The following CDH8 variants were observed in gnomAD, a reference collection of about 807,000 sequenced individuals.
CDH8 encodes the protein cadherin-8.
A neutral mutation model predicts 68.1 loss-of-function variants in CDH8; 17 were observed. The ratio of observed to expected loss-of-function variants is 0.25; its 90% CI spans 0.17 to 0.37. CDH8 has a LOEUF of 0.37. Ranked by LOEUF, CDH8 falls within the 10% of genes least tolerant of loss-of-function variation. The pLI, the probability that CDH8 is intolerant of heterozygous loss-of-function variation, is 1.00. For synonymous variants in CDH8, 372 were observed against 365.1 expected, an observed-to-expected ratio of 1.02 and a Z score of -0.21; for missense variants, 763 against 999.3, an observed-to-expected ratio of 0.76 and a Z score of 3.19.
chr16:61,817,958 T>A (rs1237749622), intron 6 of CDH8: 1 of 424,162 alleles, frequency 2.4e-6, no homozygotes, highest in African/African-American at 2.0e-5. Flanking sequence ...TGTTTTGTTT[T>A]GCTCATTTCA....
chr16:61,995,455 G>C (rs957370318), intron 2 of CDH8, among the ~76,000 whole-genome samples: 2 of 152,046 alleles, frequency 1.3e-5, no homozygotes, highest in Non-Finnish European at 2.9e-5. Flanking sequence ...TCGGCTCACT[G>C]CAACCTCAGC....
intron 7 of CDH8, among the ~76,000 whole-genome samples, chr16:61,816,972 A>T (rs548847833): frequency 1.3e-5 from 2 of 152,238 alleles, no homozygotes; most frequent in East Asian, 3.9e-4. Context: ...TAAAAAGATC[A>T]TTTCAAAGCC....
Position 61,758,821 on chromosome 16 carries a change from A to G in CDH8, c.1414+30525T>C, listed in dbSNP as rs544637882. On this transcript the variant is annotated intron_variant, in intron 8 of 11. Transcript: ENST00000577390. ...TGGGGCTATATGATCTTTTGTTGTT[A>G]ATATCTCAGAAAGATCTGAGGTTTT... Among the ~76,000 whole-genome samples, 5 of 152,288 alleles carry G rather than the reference A, an allele frequency of 3.3e-5. No individual in the cohort carries two copies. In the East Asian group the frequency reaches 9.6e-4, roughly 29 times the overall value.
At chr16:61,917,916 C>G (rs1964270148) in intron 2 of CDH8, among the ~76,000 whole-genome samples, 2 of 146,476 alleles carry the variant, frequency 1.4e-5, no homozygotes, top group African/African-American at 5.2e-5. Flanking sequence ...TCCATAGACC[C>G]CTGGCGATCT....
intron 10 of CDH8, among the ~76,000 whole-genome samples, chr16:61,705,614 G>A (rs1337441118): frequency 6.6e-6 from 1 of 152,154 alleles, no homozygotes; most frequent in Admixed American, 6.5e-5. Context: ...AGAATTAGCT[G>A]TCCATGATTA....
chr16:61,768,380 C>CTCTCCCTT lies in CDH8; in HGVS notation c.1414+20965_1414+20966insAAGGGAGA, dbSNP rs1596949706. 9.5e-5 allele frequency among the ~76,000 whole-genome samples: 10 copies of CTCTCCCTT among 105,448 alleles called. 4 individuals carry two copies. The East Asian group carries it at 2.5e-3, about 26-fold the overall frequency. 69.2% of individuals were successfully genotyped at this position (105,448 alleles called of 152,430 possible). On this transcript the variant is annotated intron_variant, in intron 8 of 11. Transcript: ENST00000577390. ...TCTCTCTCTCTCTCCCTTTCTCTCT[C>CTCTCCCTT]TCTCTCTCTCTCTCCCTTTCTCTCT...
chr16:61,676,237 T>C (rs1197628116), intron 10 of CDH8, among the ~76,000 whole-genome samples: 7 of 149,040 alleles, frequency 4.7e-5, no homozygotes, highest in Non-Finnish European at 8.9e-5. Flanking sequence ...AAAATATATA[T>C]AAATATACAA....
At chr16:61,842,972 G>A (rs1962720262) in intron 4 of CDH8, among the ~76,000 whole-genome samples, 1 of 152,136 alleles carries the variant, frequency 6.6e-6, no homozygotes, top group Non-Finnish European at 1.5e-5. Flanking sequence ...CTTTGTCAAA[G>A]TAACAACCAT....
chr16:61,941,913 C>T (rs1964731056), intron 2 of CDH8, among the ~76,000 whole-genome samples: 1 of 152,124 alleles, frequency 6.6e-6, no homozygotes, highest in African/African-American at 2.4e-5. Context: ...TTATCTCATC[C>T]TTTGATCTCT....
chr16:61,664,185 C>T (rs1205114784), intron 10 of CDH8, among the ~76,000 whole-genome samples: 1 of 151,792 alleles, frequency 6.6e-6, no homozygotes, highest in Admixed American at 6.6e-5. Flanking sequence ...TTCTTTATAT[C>T]GATGCTCAAA....
intron 2 of CDH8, among the ~76,000 whole-genome samples, chr16:61,984,196 G>T (rs1399653934): frequency 6.6e-6 from 1 of 152,070 alleles, no homozygotes; most frequent in Non-Finnish European, 1.5e-5. Context: ...GGGATTACAG[G>T]CGTTAGCCAC....
At chr16:61,896,176 A>G (rs1422482924) in intron 3 of CDH8, among the ~76,000 whole-genome samples, 1 of 152,220 alleles carries the variant, frequency 6.6e-6, no homozygotes, top group Non-Finnish European at 1.5e-5. Context: ...TGGGATCCAC[A>G]GTTAAAATCA....
chr16:61,714,094 G>A (rs1964678685), intron 9 of CDH8, 136 bp from the exon 10 acceptor site: 3 of 693,356 alleles, frequency 4.3e-6, no homozygotes, highest in East Asian at 5.1e-5. Context: ...AATTGTCATG[G>A]ATGGTTTGTG....
At chr16:61,783,027 C>T (rs374282006) in intron 8 of CDH8, among the ~76,000 whole-genome samples, 6 of 148,332 alleles carry the variant, frequency 4.0e-5, no homozygotes, top group African/African-American at 7.5e-5. Context: ...AAACGCAGAG[C>T]GCCTCTCCTC....
At position 61,794,474 on chromosome 16, in the gene CDH8, G is replaced by A. The variant is rs530410687; in HGVS notation, c.1278-4992C>T. Among the ~76,000 whole-genome samples the A allele has an allele frequency of 3.9e-5, 6 of 152,088 alleles. No homozygotes were observed. In the East Asian group the frequency reaches 1.2e-3, roughly 29 times the overall value. The stretch of plus-strand genomic sequence containing the variant: ...TTAAGGGTCTGACACCAAAACAAAA[G>A]CTCTGTAAACATGTATTTTAACAGC... On this transcript the variant is annotated intron_variant, in intron 7 of 11. Transcript: ENST00000577390.
chr16:61,958,224 G>T (rs956081839), intron 2 of CDH8, among the ~76,000 whole-genome samples: 9 of 152,278 alleles, frequency 5.9e-5, no homozygotes, highest in African/African-American at 2.2e-4. Flanking sequence ...GATAGCCTAG[G>T]TGGACCATCT....
intron 2 of CDH8, among the ~76,000 whole-genome samples, chr16:61,961,260 A>C (rs1052105502): frequency 3.3e-5 from 5 of 151,986 alleles, no homozygotes; most frequent in African/African-American, 1.2e-4. Context: ...GGTTGCAGTG[A>C]GCTGATATCG....
At chr16:61,730,272 G>T (rs1281954774) in intron 8 of CDH8, among the ~76,000 whole-genome samples, 1 of 151,408 alleles carries the variant, frequency 6.6e-6, no homozygotes, top group African/African-American at 2.4e-5. Flanking sequence ...TGTCATATAT[G>T]GGACAAAGTG....
chr16:61,976,599 C>A (rs1488191446), intron 2 of CDH8, among the ~76,000 whole-genome samples: 1 of 152,112 alleles, frequency 6.6e-6, no homozygotes, highest in East Asian at 1.9e-4. Context: ...ATTCTATGAG[C>A]TTTCTGATAT....
Sources: allele counts gnomAD v4.1 joint callset (sites outside exome capture counted in the v4.1 genomes callset), GRCh38; gene constraint gnomAD v4.1.1; transcripts MANE v1.5; gene names NCBI Gene and HGNC (gene_info 2026-07-23, HGNC 2026-07-21).